Variants in PACRG observed in about 807,000 individuals in gnomAD.
PACRG encodes parkin coregulated gene protein.
Under a neutral mutation model 29.7 loss-of-function variants are expected in PACRG, and 29 were observed. That is an observed-to-expected ratio of 0.98 (90% CI 0.73 to 1.33). The LOEUF (loss-of-function observed/expected upper bound fraction) is 1.33, where lower values mean the gene tolerates loss of function less well. PACRG is among the 40% of genes most tolerant of loss of function. PACRG has a pLI of 0.00. For synonymous variants in PACRG, 116 were observed against 118.7 expected (o/e 0.98, Z 0.15); for missense variants, 279 against 316.2 (o/e 0.88, Z 0.89).
chr6:162,986,778 A>G (rs2128179240), intron 2 of PACRG, among the ~76,000 whole-genome samples: 1 of 152,080 alleles, frequency 6.6e-6, no homozygotes, highest in African/African-American at 2.4e-5. Flanking sequence ...TTTAACTCTG[A>G]AGTTGTTTTT....
intron 3 of PACRG, among the ~76,000 whole-genome samples, chr6:163,068,316 C>G (rs541450270): frequency 1.3e-5 from 2 of 152,248 alleles, no homozygotes; most frequent in Admixed American, 6.5e-5. Context: ...TCATTCAGAA[C>G]AGGGAGGTCA....
intron 2 of PACRG, among the ~76,000 whole-genome samples, chr6:162,915,145 T>C (rs1346565563): frequency 6.6e-6 from 1 of 152,090 alleles, no homozygotes; most frequent in Non-Finnish European, 1.5e-5. Context: ...ATATTGGCTA[T>C]GAGTTTTTCA....
intron 2 of PACRG, among the ~76,000 whole-genome samples, chr6:162,955,276 TTTG>T (rs143480282): frequency 0.098 from 14,950 of 151,884 alleles, 970 homozygotes; most frequent in East Asian, 0.25. Flanking sequence ...GAAATCTATT[TTTG>T]TTGTTGTTGT....
In PACRG at chr6:163,089,274, G is replaced by A. The variant is rs762458343; in HGVS notation, c.479G>A (p.Arg160Gln). ...TACCATATAGATGCCTTGAACCTCC[G>A]AAACCGACAGGTCATCTGTGTCACT... ...IIPIKNALNL[R>Q]NRQVICVTLK... is the part of the protein sequence containing the mutation. The change falls in exon 4 of 5, where the codon CGA (arginine) becomes CAA (glutamine). Residue 160 changes from arginine (R) to glutamine (Q), a missense_variant. Arg to Gln is a conservative substitution (Grantham distance 43). Transcript: ENST00000366888. 3.0e-5 allele frequency: 49 copies of A among 1,613,572 alleles called. No individual in the cohort carries two copies. The highest frequency in any genetic ancestry group is 3.4e-5 in the Non-Finnish European group (40 of 1,179,868).
rs145267156 is a variant in PACRG, at chr6:163,080,193, C to T, written c.464-9066C>T. Among the ~76,000 whole-genome samples the T allele has an allele frequency of 6.4e-3, 973 of 152,130 alleles. 14 individuals carry two copies. Among genetic ancestry groups the T allele is most frequent in the Middle Eastern group, 0.02 (6 of 294 alleles). ...GATTACAGGCTTGAGCCACTGTGCC[C>T]GGCCCTAGTCATTCTTAGAAGTAGT... On this transcript the variant is annotated intron_variant, in intron 3 of 4. Coordinates refer to ENST00000366888, the MANE Select transcript of PACRG (RefSeq NM_001080379.2).
intron 2 of PACRG, among the ~76,000 whole-genome samples, chr6:163,041,164 C>T (rs1562857896): frequency 6.6e-6 from 1 of 151,926 alleles, no homozygotes; most frequent in African/African-American, 2.4e-5. Flanking sequence ...GGTGAAACCC[C>T]GTCTCTACTA....
chr6:162,890,478 T>C (rs1446858845), intron 2 of PACRG, among the ~76,000 whole-genome samples: 1 of 152,212 alleles, frequency 6.6e-6, no homozygotes, highest in Non-Finnish European at 1.5e-5. Flanking sequence ...TACTCTTATG[T>C]ACCTTCACCA....
chr6:162,749,188 T>C (rs1781325826), intron 1 of PACRG, among the ~76,000 whole-genome samples: 1 of 152,220 alleles, frequency 6.6e-6, no homozygotes, highest in South Asian at 2.1e-4. Flanking sequence ...TTGGGTGGTG[T>C]CCAGTGCATG....
rs934351499 is a variant in PACRG at position 162,754,826 on chromosome 6, G to A, written c.156+26435G>A. Among the ~76,000 whole-genome samples, 12 of 152,120 alleles carry A rather than the reference G, an allele frequency of 7.9e-5. No individual in the cohort carries two copies. In the South Asian group the frequency reaches 8.3e-4, roughly 11 times the overall value. The stretch of plus-strand genomic sequence containing the variant: ...TTTTATGGCAGTACAATGTCATTAC[G>A]TCAATTTTTTGGAAGAGTTGGAGAA... On this transcript the variant is annotated intron_variant, in intron 1 of 4. Coordinates refer to ENST00000366888, the MANE Select transcript of PACRG (RefSeq NM_001080379.2).
chr6:163,252,477 C>T (rs144863793), intron 4 of PACRG, among the ~76,000 whole-genome samples: 10 of 152,334 alleles, frequency 6.6e-5, no homozygotes, highest in African/African-American at 9.6e-5. Context: ...GGCTGGGTCC[C>T]GTGGCTCTGA....
At chr6:162,900,125 C>T (rs73021328) in intron 2 of PACRG, among the ~76,000 whole-genome samples, 211 of 151,974 alleles carry the variant, frequency 1.4e-3, no homozygotes, top group Non-Finnish European at 2.2e-3. Context: ...ATGGTCAGGC[C>T]GGAACATCGT....
chr6:163,172,968 G>A (rs1779157301), intron 4 of PACRG, among the ~76,000 whole-genome samples: 1 of 152,068 alleles, frequency 6.6e-6, no homozygotes, highest in Admixed American at 6.5e-5. Flanking sequence ...TCTCATAATG[G>A]AATATTATAT....
intron 4 of PACRG, chr6:163,179,502 C>T (rs1779548661): frequency 3.9e-6 from 1 of 257,622 alleles, no homozygotes; most frequent in African/African-American, 2.3e-5. Flanking sequence ...GAAGGAGTTC[C>T]AGGCCAGCCT....
chr6:162,913,982 C>CAA (rs113111316), intron 2 of PACRG, among the ~76,000 whole-genome samples: 1 of 151,476 alleles, frequency 6.6e-6, no homozygotes. Context: ...CATGCTTTGT[C>CAA]TATGTGTTTC....
chr6:163,214,829 T>A (rs895266749), intron 4 of PACRG, among the ~76,000 whole-genome samples: 1 of 152,168 alleles, frequency 6.6e-6, no homozygotes, highest in African/African-American at 2.4e-5. Context: ...GTTGTAGCAA[T>A]GGTTAGGATC....
At chr6:163,056,762 G>A (rs187481648) in intron 2 of PACRG, among the ~76,000 whole-genome samples, 17 of 152,272 alleles carry the variant, frequency 1.1e-4, no homozygotes, top group Admixed American at 3.9e-4. Context: ...TTAATCAGAA[G>A]CCAACATGGC....
At chr6:163,162,900 TAGGGTTGTCA>T (rs142006745) in intron 4 of PACRG, among the ~76,000 whole-genome samples, 3,187 of 152,062 alleles carry the variant, frequency 0.021, 108 homozygotes, top group African/African-American at 0.072. Flanking sequence ...GGTAGCACAG[TAGGGTTGTCA>T]AGGGTTGTCA....
intron 4 of PACRG, among the ~76,000 whole-genome samples, chr6:163,149,561 G>A (rs997934612): frequency 6.6e-5 from 10 of 151,966 alleles, no homozygotes; most frequent in African/African-American, 2.4e-4. Flanking sequence ...CCAGACTCCT[G>A]GGCGCTTTCC....
intron 2 of PACRG, among the ~76,000 whole-genome samples, chr6:162,903,330 T>C (rs1320485654): frequency 6.8e-6 from 1 of 147,598 alleles, no homozygotes; most frequent in East Asian, 1.9e-4. Context: ...ATGTTAATAA[T>C]TTAAATACCC....
Sources: gnomAD v4.1 joint callset for allele counts (sites outside exome capture counted in the v4.1 genomes callset) on GRCh38, gnomAD v4.1.1 for gene constraint, MANE v1.5 for transcripts, NCBI Gene and HGNC (gene_info 2026-07-23, HGNC 2026-07-21) for gene names.